Variants in PUM2 observed in about 807,000 individuals in gnomAD.
PUM2 encodes the protein pumilio RNA binding family member 2.
Under a neutral mutation model 124.5 loss-of-function variants are expected in PUM2, and 57 were observed. That is an observed-to-expected ratio of 0.46 (90% CI 0.37 to 0.57). PUM2 has a LOEUF of 0.57. Ranked by LOEUF, PUM2 falls within the 20% of genes least tolerant of loss-of-function variation. The probability of loss-of-function intolerance (pLI) is 0.00; values close to 1 mark genes in which losing one functional copy is unlikely to be tolerated. For missense variants in PUM2, 1,065 were observed against 1,290.6 expected (o/e 0.83, Z 2.68); for synonymous variants, 460 against 446.1 (o/e 1.03, Z -0.39).
At chr2:20,300,088 A>C (rs1282238312) in intron 7 of PUM2, among the ~76,000 whole-genome samples, 1 of 152,120 alleles carries the variant, frequency 6.6e-6, no homozygotes, top group Non-Finnish European at 1.5e-5. Context: ...AATGCTGGAG[A>C]GGTATAATGA....
At chr2:20,342,895 C>T (rs1400941238) in intron 1 of PUM2, among the ~76,000 whole-genome samples, 1 of 152,062 alleles carries the variant, frequency 6.6e-6, no homozygotes, top group Non-Finnish European at 1.5e-5. Context: ...AAAACACCAC[C>T]AAACATCTAG....
At chr2:20,344,371 T>C (rs1158595912) in intron 1 of PUM2, among the ~76,000 whole-genome samples, 4 of 152,150 alleles carry the variant, frequency 2.6e-5, no homozygotes, top group African/African-American at 7.2e-5. Context: ...TACAGTCAGT[T>C]CCTCAAGGAA....
At chr2:20,339,344 A>AG (rs1686771161) in intron 1 of PUM2, among the ~76,000 whole-genome samples, 1 of 151,716 alleles carries the variant, frequency 6.6e-6, no homozygotes, top group Non-Finnish European at 1.5e-5. Flanking sequence ...CCATCTCAAG[A>AG]GAAAAAAAAA....
chr2:20,326,420 T>C, intron 2 of PUM2: 1 of 1,304,096 alleles, frequency 7.7e-7, no homozygotes, highest in Non-Finnish European at 1.0e-6. Context: ...GTGAGTCTCA[T>C]GAAGGTCTCT....
At chr2:20,271,399 C>T (rs976156544) in intron 13 of PUM2, among the ~76,000 whole-genome samples, 1 of 152,146 alleles carries the variant, frequency 6.6e-6, no homozygotes, top group Non-Finnish European at 1.5e-5. Flanking sequence ...CTGCAACCTC[C>T]GTCTCCTGGG....
intron 13 of PUM2, among the ~76,000 whole-genome samples, chr2:20,275,707 C>T (rs1016193239): frequency 1.1e-4 from 16 of 152,024 alleles, no homozygotes; most frequent in African/African-American, 3.1e-4. Flanking sequence ...GCCTCTAGAT[C>T]GAATTCCAGT....
chr2:20,333,621 T>C (rs1315610921), intron 1 of PUM2, among the ~76,000 whole-genome samples: 1 of 152,070 alleles, frequency 6.6e-6, no homozygotes, highest in Admixed American at 6.5e-5. Context: ...TTATTAAAAG[T>C]ATTTGTTTTG....
chr2:20,288,752 T>C (rs1239439881), intron 10 of PUM2, among the ~76,000 whole-genome samples: 1 of 152,188 alleles, frequency 6.6e-6, no homozygotes, highest in African/African-American at 2.4e-5. Flanking sequence ...CACATTAGCT[T>C]TATAACTATG....
chr2:20,323,215 G>A (rs930119692), intron 2 of PUM2, among the ~76,000 whole-genome samples: 1 of 152,082 alleles, frequency 6.6e-6, no homozygotes, highest in Non-Finnish European at 1.5e-5. Context: ...TTGGGAGGCC[G>A]AAGTGGGCGG....
chr2:20,323,447 CAAAAAA>C (rs1158061957), intron 2 of PUM2, among the ~76,000 whole-genome samples: 2 of 84,858 alleles, frequency 2.4e-5, no homozygotes, highest in African/African-American at 9.3e-5. Context: ...GACTCCATCT[CAAAAAA>C]AAAAAAAAAA....
At chr2:20,283,316 T>C in intron 11 of PUM2, 27 bp downstream of exon 11, 2 of 1,611,244 alleles carry the variant, frequency 1.2e-6, no homozygotes. Context: ...AGAAAAATAT[T>C]ATCCTAAAAA....
intron 13 of PUM2, among the ~76,000 whole-genome samples, chr2:20,275,975 AT>A (rs1670142896): frequency 1.3e-5 from 2 of 152,126 alleles, no homozygotes; most frequent in Admixed American, 6.6e-5. Context: ...TTAATAATAA[AT>A]TATTTTAAAA....
At chr2:20,319,659 T>C (rs538123257) in intron 2 of PUM2, among the ~76,000 whole-genome samples, 140 of 152,300 alleles carry the variant, frequency 9.2e-4, no homozygotes, top group Admixed American at 1.4e-3. Context: ...TGTGACATAG[T>C]AAACCATTAA....
At chr2:20,260,144 T>C (rs113415210) in intron 15 of PUM2, among the ~76,000 whole-genome samples, 193 bp downstream of exon 15, 37 of 152,348 alleles carry the variant, frequency 2.4e-4, no homozygotes, top group African/African-American at 7.5e-4. Flanking sequence ...CTTTTTGTTG[T>C]TGACTTTTTA....
chr2:20,306,488 C>T (rs1678328649), intron 7 of PUM2, among the ~76,000 whole-genome samples: 1 of 150,572 alleles, frequency 6.6e-6, no homozygotes, highest in Non-Finnish European at 1.5e-5. Context: ...ACATTTCTAA[C>T]ATAAGAGGAC....
intron 13 of PUM2, among the ~76,000 whole-genome samples, chr2:20,270,989 G>A (rs1403583811): frequency 1.3e-5 from 2 of 152,018 alleles, no homozygotes; most frequent in Non-Finnish European, 2.9e-5. Flanking sequence ...ATAAGATTAT[G>A]AAATAAAGTG....
At chr2:20,302,132 T>C (rs1484573955) in intron 7 of PUM2, among the ~76,000 whole-genome samples, 1 of 152,230 alleles carries the variant, frequency 6.6e-6, no homozygotes, top group African/African-American at 2.4e-5. Flanking sequence ...AGGCTGGTCT[T>C]GACCTCCTAG....
chr2:20,343,729 T>C (rs1350214201), intron 1 of PUM2, among the ~76,000 whole-genome samples: 1 of 152,180 alleles, frequency 6.6e-6, no homozygotes, highest in Non-Finnish European at 1.5e-5. Flanking sequence ...AATTCGAGAC[T>C]AGCCAAGGCA....
chr2:20,269,608 T>A (rs541752420), intron 13 of PUM2, among the ~76,000 whole-genome samples: 2 of 152,314 alleles, frequency 1.3e-5, no homozygotes, highest in African/African-American at 4.8e-5. Context: ...ATCTTCCACA[T>A]CATTTTAATA....
Sources: gnomAD v4.1 joint callset for allele counts (sites outside exome capture counted in the v4.1 genomes callset) on GRCh38, gnomAD v4.1.1 for gene constraint, MANE v1.5 for transcripts, NCBI Gene and HGNC (gene_info 2026-07-23, HGNC 2026-07-21) for gene names.